The following ARID1B variants were observed in gnomAD, a reference collection of about 807,000 sequenced individuals.
The protein encoded by ARID1B is AT-rich interactive domain-containing protein 1B.
A neutral mutation model predicts 212.3 loss-of-function variants in ARID1B; 30 were observed. The ratio of observed to expected loss-of-function variants is 0.14; its 90% CI spans 0.11 to 0.19. ARID1B has a LOEUF of 0.19. ARID1B is among the 10% of genes least tolerant of loss of function. ARID1B has a pLI of 1.00. For synonymous variants in ARID1B, 1,402 were observed against 1,301.7 expected (o/e 1.08, Z -1.66); for missense variants, 2,891 against 3,204.0 (o/e 0.90, Z 2.36).
chr6:156,825,904 G>T (rs944013734), intron 1 of ARID1B, among the ~76,000 whole-genome samples: 1 of 152,032 alleles, frequency 6.6e-6, no homozygotes, highest in African/African-American at 2.4e-5. Context: ...TTTTTATCAG[G>T]CATAAATTCT....
In ARID1B at chr6:156,881,094, G is replaced by A. The variant is rs560926996; in HGVS notation, c.1987-20282G>A. On this transcript the variant is annotated intron_variant, in intron 2 of 19. Coordinates refer to ENST00000636930, the MANE Select transcript of ARID1B (RefSeq NM_001374828.1). ...GTTGCCTGGGGCCTGCAGGAGTTTC[G>A]AGAGAGCCCTGCCAGGTGAGTTGGC... 5.9e-5 allele frequency among the ~76,000 whole-genome samples: 9 copies of A among 152,294 alleles called. No individual in the cohort carries two copies. In the South Asian group the frequency reaches 1.0e-3, roughly 18 times the overall value.
intron 4 of ARID1B, among the ~76,000 whole-genome samples, chr6:157,082,293 A>AT (rs1223242587): frequency 6.6e-6 from 1 of 152,156 alleles, no homozygotes; most frequent in African/African-American, 2.4e-5. Flanking sequence ...GGTTCTTTAA[A>AT]TCAGGGGTCA....
At chr6:156,971,509 C>T (rs192950132) in intron 4 of ARID1B, among the ~76,000 whole-genome samples, 75 of 152,178 alleles carry the variant, frequency 4.9e-4, no homozygotes, top group Non-Finnish European at 5.7e-4. Context: ...GGAGTGTGTT[C>T]CTTTACTATT....
At chr6:157,142,860 G>A (rs568363651) in intron 7 of ARID1B, among the ~76,000 whole-genome samples, 10 of 152,180 alleles carry the variant, frequency 6.6e-5, no homozygotes, top group Non-Finnish European at 1.0e-4. Context: ...AGGGAATGAC[G>A]CAGAACCTTG....
At chr6:157,133,869 C>G (rs1203053386) in intron 7 of ARID1B, among the ~76,000 whole-genome samples, 1 of 152,186 alleles carries the variant, frequency 6.6e-6, no homozygotes. Context: ...TTGTCAGATA[C>G]ACACAGCATC....
chr6:157,182,288 T>TGTA (rs567803479), intron 12 of ARID1B, among the ~76,000 whole-genome samples: 3 of 152,292 alleles, frequency 2.0e-5, no homozygotes, highest in African/African-American at 7.2e-5. Flanking sequence ...AGAATAATGC[T>TGTA]GTAGCCCAGG....
chr6:156,943,192 T>C (rs533516401), intron 4 of ARID1B: 1 of 152,312 alleles, frequency 6.6e-6, no homozygotes, highest in East Asian at 1.9e-4. Context: ...TGAATGGTCT[T>C]GTTTTCCTTT....
intron 3 of ARID1B, among the ~76,000 whole-genome samples, chr6:156,916,011 C>A (rs776720098): frequency 6.6e-6 from 1 of 150,952 alleles, no homozygotes; most frequent in Non-Finnish European, 1.5e-5. Flanking sequence ...ATATATTTTC[C>A]AGTGGTTCTT....
At chr6:157,128,785 T>G (rs1788333034) in intron 6 of ARID1B, among the ~76,000 whole-genome samples, 1 of 152,250 alleles carries the variant, frequency 6.6e-6, no homozygotes, top group Non-Finnish European at 1.5e-5. Flanking sequence ...GACAGCTGTT[T>G]AACATGTTCA....
At chr6:156,789,002 C>T (rs959493483) in intron 1 of ARID1B, among the ~76,000 whole-genome samples, 3 of 152,170 alleles carry the variant, frequency 2.0e-5, no homozygotes, top group South Asian at 2.1e-4. Flanking sequence ...CAGTTTTCTT[C>T]TGTAGTTCTT....
At chr6:156,941,944 G>A (rs944196301) in intron 4 of ARID1B, 1 of 152,116 alleles carries the variant, frequency 6.6e-6, no homozygotes, top group East Asian at 1.9e-4. Flanking sequence ...TTCTGAATTC[G>A]TCATAGCTGA....
chr6:156,958,596 C>G (rs1026220931), intron 4 of ARID1B, among the ~76,000 whole-genome samples: 1 of 152,184 alleles, frequency 6.6e-6, no homozygotes, highest in African/African-American at 2.4e-5. Flanking sequence ...TTGCAGTATG[C>G]ATTTACCCAT....
chr6:157,019,902 TA>T (rs1374900362), intron 4 of ARID1B, among the ~76,000 whole-genome samples: 1 of 152,204 alleles, frequency 6.6e-6, no homozygotes, highest in East Asian at 1.9e-4. Flanking sequence ...AATCTGGGTG[TA>T]TCTGGACGAC....
At chr6:156,812,776 G>A (rs564260161) in intron 1 of ARID1B, among the ~76,000 whole-genome samples, 6 of 150,344 alleles carry the variant, frequency 4.0e-5, no homozygotes, top group East Asian at 2.0e-4. Flanking sequence ...GACCAGGCCC[G>A]CAGCCCCCAT....
chr6:156,982,009 C>T (rs1014530744), intron 4 of ARID1B, among the ~76,000 whole-genome samples: 1 of 151,800 alleles, frequency 6.6e-6, no homozygotes, highest in African/African-American at 2.4e-5. Flanking sequence ...TGTGTACAGC[C>T]ATCTCCTGGG....
chr6:157,188,205 T>TA (rs913577504), intron 13 of ARID1B, among the ~76,000 whole-genome samples: 2,676 of 145,554 alleles, frequency 0.018, 251 homozygotes, highest in Admixed American at 0.16. Flanking sequence ...ACTTAAAGTT[T>TA]AAAAAAAAAA....
intron 4 of ARID1B, among the ~76,000 whole-genome samples, chr6:157,049,175 G>GAAA (rs375616004): frequency 4.3e-5 from 5 of 116,974 alleles, no homozygotes; most frequent in East Asian, 5.4e-4. Context: ...TCAGTCTGGA[G>GAAA]AAAAAAAAAA....
intron 5 of ARID1B, among the ~76,000 whole-genome samples, chr6:157,090,758 G>T (rs1785228537): frequency 6.6e-6 from 1 of 152,230 alleles, no homozygotes; most frequent in African/African-American, 2.4e-5. Context: ...ATGAGGGATG[G>T]GTCAGGGTGC....
intron 4 of ARID1B, among the ~76,000 whole-genome samples, chr6:156,963,033 G>A (rs1217011413): frequency 6.6e-6 from 1 of 151,312 alleles, no homozygotes; most frequent in African/African-American, 2.4e-5. Flanking sequence ...CACCCACCTC[G>A]GCCCTCACAA....
Sources: allele counts gnomAD v4.1 joint callset (sites outside exome capture counted in the v4.1 genomes callset), GRCh38; gene constraint gnomAD v4.1.1; transcripts MANE v1.5; gene names NCBI Gene and HGNC (gene_info 2026-07-23, HGNC 2026-07-21).